The following MAN1A2 variants were observed in gnomAD, a reference collection of about 807,000 sequenced individuals.
MAN1A2 encodes the protein mannosyl-oligosaccharide 1,2-alpha-mannosidase IB.
A neutral mutation model predicts 75.7 loss-of-function variants in MAN1A2; 26 were observed. The ratio of observed to expected loss-of-function variants is 0.34; its 90% CI spans 0.25 to 0.48. The LOEUF (loss-of-function observed/expected upper bound fraction) is 0.48. Ranked by LOEUF, MAN1A2 falls within the 20% of genes least tolerant of loss-of-function variation. The pLI, the probability that MAN1A2 is intolerant of heterozygous loss-of-function variation, is 0.99. For synonymous variants in MAN1A2, 247 were observed against 264.6 expected, an observed-to-expected ratio of 0.93 and a Z score of 0.65; for missense variants, 562 against 775.5, an observed-to-expected ratio of 0.72 and a Z score of 3.27.
At chr1:117,427,180 A>G (rs1648403182) in intron 5 of MAN1A2, among the ~76,000 whole-genome samples, 1 of 152,092 alleles carries the variant, frequency 6.6e-6, no homozygotes. Context: ...CCAAAAGTCA[A>G]TCAATGGTGA....
chr1:117,405,854 A>G (rs1647597621), intron 3 of MAN1A2, among the ~76,000 whole-genome samples: 1 of 152,100 alleles, frequency 6.6e-6, no homozygotes, highest in Admixed American at 6.6e-5. Context: ...CTATTTACAT[A>G]TGGATGCTTT....
At chr1:117,462,283 T>G (rs1296504979) in intron 7 of MAN1A2, among the ~76,000 whole-genome samples, 1 of 152,148 alleles carries the variant, frequency 6.6e-6, no homozygotes, top group Non-Finnish European at 1.5e-5. Flanking sequence ...AGAAGCATTG[T>G]TTATATTGGC....
intron 6 of MAN1A2, among the ~76,000 whole-genome samples, chr1:117,443,869 C>T (rs936503549): frequency 2.6e-5 from 4 of 151,330 alleles, no homozygotes; most frequent in African/African-American, 7.3e-5. Context: ...CTCAGTGCTG[C>T]GATTATAGGT....
At chr1:117,428,643 A>AT (rs1648460602) in intron 5 of MAN1A2, among the ~76,000 whole-genome samples, 3 of 152,130 alleles carry the variant, frequency 2.0e-5, no homozygotes, top group Non-Finnish European at 2.9e-5. Context: ...AGACACACTT[A>AT]ATAGAGAGGT....
chr1:117,459,871 C>T (rs1649759357), intron 6 of MAN1A2, among the ~76,000 whole-genome samples: 1 of 152,034 alleles, frequency 6.6e-6, no homozygotes, highest in Non-Finnish European at 1.5e-5. Context: ...TTGGTGCAAG[C>T]CAGTTCTTTA....
intron 5 of MAN1A2, among the ~76,000 whole-genome samples, chr1:117,428,309 C>T (rs1411369594): frequency 6.6e-6 from 1 of 151,892 alleles, no homozygotes; most frequent in African/African-American, 2.4e-5. Context: ...GAGGTGGGGT[C>T]TCTCCATGTT....
intron 8 of MAN1A2, among the ~76,000 whole-genome samples, chr1:117,475,153 T>TA (rs1301277168): frequency 6.6e-6 from 1 of 151,946 alleles, no homozygotes; most frequent in Non-Finnish European, 1.5e-5. Flanking sequence ...CACACCTTCA[T>TA]ATGTTCTCAC....
At chr1:117,474,968 C>G (rs1351495559) in intron 8 of MAN1A2, among the ~76,000 whole-genome samples, 9 of 151,878 alleles carry the variant, frequency 5.9e-5, no homozygotes, top group African/African-American at 1.9e-4. Flanking sequence ...CTTTATGTGG[C>G]TTCTTTCAGC....
At chr1:117,447,421 A>G (rs139921690) in intron 6 of MAN1A2, among the ~76,000 whole-genome samples, 25 of 152,190 alleles carry the variant, frequency 1.6e-4, no homozygotes, top group African/African-American at 5.5e-4. Context: ...AGTATCCTGC[A>G]TATGTTGGGA....
At chr1:117,450,063 G>T (rs1553235825) in intron 6 of MAN1A2, among the ~76,000 whole-genome samples, 1 of 152,214 alleles carries the variant, frequency 6.6e-6, no homozygotes, top group Non-Finnish European at 1.5e-5. Context: ...GCAGAGGTTG[G>T]AGAAGAAGAA....
At chr1:117,468,994 A>G (rs1178802291) in intron 8 of MAN1A2, among the ~76,000 whole-genome samples, 2 of 152,176 alleles carry the variant, frequency 1.3e-5, no homozygotes, top group African/African-American at 4.8e-5. Flanking sequence ...CCATGCCAGT[A>G]TAAGGATACT....
At chr1:117,469,753 A>AT (rs1284021122) in intron 8 of MAN1A2, among the ~76,000 whole-genome samples, 1 of 152,178 alleles carries the variant, frequency 6.6e-6, no homozygotes, top group African/African-American at 2.4e-5. Context: ...TAACATTAAA[A>AT]TACAAATAAA....
chr1:117,503,110 T>C (rs1305112706), intron 12 of MAN1A2, 140 bp downstream of exon 12: 1 of 519,420 alleles, frequency 1.9e-6, no homozygotes, highest in African/African-American at 2.0e-5. Context: ...TGTGTAAATT[T>C]TTAGCTACAT....
At chr1:117,508,122 T>C (rs1014176276) in intron 12 of MAN1A2, among the ~76,000 whole-genome samples, 5 of 151,690 alleles carry the variant, frequency 3.3e-5, no homozygotes, top group African/African-American at 1.2e-4. Context: ...TGTACCTTAG[T>C]GTCTACACCC....
chr1:117,395,915 A>G (rs1199501228), intron 1 of MAN1A2, among the ~76,000 whole-genome samples: 2 of 152,208 alleles, frequency 1.3e-5, no homozygotes, highest in East Asian at 1.9e-4. Flanking sequence ...AAATCAGCCA[A>G]GGGAAGAAAC....
rs1351925329 is a variant in MAN1A2, at chr1:117,444,230, T to C, written c.950+1905T>C. On this transcript the variant is annotated intron_variant, in intron 6 of 12. Coordinates refer to ENST00000356554, the MANE Select transcript of MAN1A2 (RefSeq NM_006699.5). ...AGTGAGAAATGGGATAGTTATACTATAATTTATTCATTAATTTTCATATCA... is the reference window on the plus strand; with the variant it reads ...AGTGAGAAATGGGATAGTTATACTACAATTTATTCATTAATTTTCATATCA... Among the ~76,000 whole-genome samples the C allele has an allele frequency of 4.6e-5, 7 of 152,286 alleles. No homozygotes were observed. The East Asian group carries it at 9.6e-4, about 21-fold the overall frequency.
rs1009893025 is a variant in MAN1A2 at position 117,528,479 on chromosome 1, A to T, written c.*5522A>T. 2.6e-5 allele frequency: 4 copies of T among 152,138 alleles called. No homozygotes were observed. The highest frequency in any genetic ancestry group is 9.6e-5 in the African/African-American group (4 of 41,454). The allele number at this position is 152,138 out of a possible 1,614,324, so 9.4% of individuals were successfully genotyped here. A position where few individuals can be genotyped will look rare whatever the true frequency, so the allele number is the denominator to read the frequency against. On this transcript the variant is annotated 3_prime_UTR_variant, in exon 13 of 13. Coordinates refer to ENST00000356554, the MANE Select transcript of MAN1A2 (RefSeq NM_006699.5). ...TATACACATACATATTAATATGCAG[A>T]GGATTTTAAATAATTGCAAATGTCT...
chr1:117,391,987 AC>A (rs1333476679), intron 1 of MAN1A2, among the ~76,000 whole-genome samples: 7 of 152,090 alleles, frequency 4.6e-5, no homozygotes, highest in Non-Finnish European at 8.8e-5. Flanking sequence ...TACTTTAAAT[AC>A]ATTTTATTAG....
chr1:117,434,179 A>G (rs1378990503), intron 5 of MAN1A2, among the ~76,000 whole-genome samples: 1 of 152,196 alleles, frequency 6.6e-6, no homozygotes, highest in Non-Finnish European at 1.5e-5. Flanking sequence ...CTATTTATTT[A>G]GACCACATTG....
Sources: gnomAD v4.1 joint callset for allele counts (sites outside exome capture counted in the v4.1 genomes callset) on GRCh38, gnomAD v4.1.1 for gene constraint, MANE v1.5 for transcripts, NCBI Gene and HGNC (gene_info 2026-07-23, HGNC 2026-07-21) for gene names.